The following GFM2 variants were observed in gnomAD, a reference collection of about 807,000 sequenced individuals.
GFM2 encodes ribosome-releasing factor 2, mitochondrial.
In GFM2, 72 loss-of-function variants were observed where a neutral mutation model predicts 95.4. The ratio of observed to expected loss-of-function variants is 0.76; its 90% CI spans 0.62 to 0.92. GFM2 has a LOEUF of 0.92. Ranked by LOEUF, GFM2 falls within the 40% of genes least tolerant of loss-of-function variation. The pLI, the probability that GFM2 is intolerant of heterozygous loss-of-function variation, is 0.00. For missense variants in GFM2, 825 were observed against 924.1 expected (o/e 0.89, Z 1.39); for synonymous variants, 276 against 317.5 (o/e 0.87, Z 1.39).
At chr5:74,758,574 T>C (rs1345167211) in intron 5 of GFM2, among the ~76,000 whole-genome samples, 1 of 152,230 alleles carries the variant, frequency 6.6e-6, no homozygotes, top group African/African-American at 2.4e-5. Context: ...AAACACCTAA[T>C]GCTGGTCTGT....
chr5:74,742,009 T>A (rs1424743800), intron 10 of GFM2, among the ~76,000 whole-genome samples: 2 of 152,186 alleles, frequency 1.3e-5, no homozygotes, highest in Non-Finnish European at 2.9e-5. Context: ...ATATTCTGAA[T>A]GTTCACCAGA....
At chr5:74,728,235 T>C (rs1579971550) in intron 17 of GFM2, among the ~76,000 whole-genome samples, 1 of 152,102 alleles carries the variant, frequency 6.6e-6, no homozygotes, top group African/African-American at 2.4e-5. Flanking sequence ...TTAACTACTA[T>C]AGAATACTGT....
chr5:74,728,748 CTTTTTTT>C (rs57180600), intron 17 of GFM2, among the ~76,000 whole-genome samples: 17 of 58,236 alleles, frequency 2.9e-4, no homozygotes, highest in African/African-American at 7.4e-4. Flanking sequence ...GTGGGGGTTT[CTTTTTTT>C]TTTTTTTTTT....
At chr5:74,763,568 G>A (rs1341890579) in intron 2 of GFM2, 112 bp downstream of exon 2, 17 of 602,742 alleles carry the variant, frequency 2.8e-5, no homozygotes, top group Non-Finnish European at 4.9e-5. Context: ...ATTTCCAAAG[G>A]TTATGACTCA....
chr5:74,749,289 T>C (rs1743572477), intron 7 of GFM2, among the ~76,000 whole-genome samples: 1 of 152,162 alleles, frequency 6.6e-6, no homozygotes, highest in African/African-American at 2.4e-5. Context: ...GTGCTGGGAT[T>C]ACAGGTGTGA....
rs2112265132 is a variant in GFM2, at chr5:74,738,719, A to G, written c.1080-77T>C. Reference sequence around the variant, plus strand: ...CAGAAACTTAACCTTAATGTCCCCAAAGATCTATTTTATCTTCTAGTAGAG... The same window carrying G: ...CAGAAACTTAACCTTAATGTCCCCAGAGATCTATTTTATCTTCTAGTAGAG... On this transcript the variant is annotated intron_variant, in intron 12 of 20. Coordinates refer to ENST00000296805, the MANE Select transcript of GFM2 (RefSeq NM_032380.5). 3.7e-5 allele frequency: 51 copies of G among 1,388,360 alleles called. No homozygotes were observed. In the South Asian group the frequency reaches 7.0e-4, roughly 19 times the overall value. 86.0% of individuals were successfully genotyped at this position (1,388,360 alleles called of 1,614,324 possible).
At position 74,736,986 on chromosome 5, in the gene GFM2, C is replaced by T. The variant is rs1240552971; in HGVS notation, c.1321-1G>A. On this transcript the variant is annotated splice_acceptor_variant, in intron 14 of 20. Transcript: ENST00000296805. LOFTEE classifies it high-confidence loss of function. ...AGACAATGGTGTCTCCAGTGGCAGT[C>T]TGCAAGCAAACAAGATGACTTGGAA... 6 of 1,612,838 alleles carry T rather than the reference C, an allele frequency of 3.7e-6. No individual in the cohort carries two copies. Among genetic ancestry groups the T allele is most frequent in the Non-Finnish European group, 4.2e-6 (5 of 1,179,516 alleles).
chr5:74,725,552 G>C, intron 19 of GFM2, 88 bp downstream of exon 19: 1 of 810,890 alleles, frequency 1.2e-6, no homozygotes, highest in East Asian at 2.5e-5. Flanking sequence ...ACAAGATAAG[G>C]CTCTGTAAAC....
intron 16 of GFM2, 160 bp from the exon 17 acceptor site, chr5:74,730,558 T>C (rs1392644395): frequency 2.2e-6 from 1 of 444,784 alleles, no homozygotes; most frequent in African/African-American, 2.0e-5. Flanking sequence ...ACATTGCTTT[T>C]GACTTTTCTG....
chr5:74,758,750 T>C, intron 5 of GFM2, 99 bp downstream of exon 5: 2 of 720,278 alleles, frequency 2.8e-6, no homozygotes, highest in Non-Finnish European at 5.0e-6. Flanking sequence ...AGTAGCTCTA[T>C]GCCATATTCA....
rs755826513 is a variant in GFM2 at position 74,733,016 on chromosome 5, A to G, written c.1587+6T>C. On this transcript the variant is annotated splice_donor_region_variant and intron_variant, in intron 16 of 20. Coordinates refer to ENST00000296805, the MANE Select transcript of GFM2 (RefSeq NM_032380.5). ...GGCTTCTGGAGTTTAGCAATAATAT[A>G]CCTACTTGTCCAGAGTCAGGATCTA... 1 of 1,581,486 alleles carries G rather than the reference A, an allele frequency of 6.3e-7. No individual in the cohort carries two copies. Among genetic ancestry groups the G allele is most frequent in the Non-Finnish European group, 8.7e-7 (1 of 1,150,928 alleles).
intron 5 of GFM2, 42 bp downstream of exon 5, chr5:74,758,807 T>C: frequency 1.6e-6 from 2 of 1,237,736 alleles, no homozygotes; most frequent in Non-Finnish European, 2.4e-6. Flanking sequence ...CAATGATGCT[T>C]TTGCTAATGG....
intron 1 of GFM2, among the ~76,000 whole-genome samples, chr5:74,766,215 G>A (rs1033814907): frequency 6.6e-6 from 1 of 151,594 alleles, no homozygotes; most frequent in Non-Finnish European, 1.5e-5. Flanking sequence ...GAGGTCGGAG[G>A]ATCGCTTGAT....
At chr5:74,744,301 T>C (rs1743268709) in intron 10 of GFM2, among the ~76,000 whole-genome samples, 1 of 152,096 alleles carries the variant, frequency 6.6e-6, no homozygotes, top group African/African-American at 2.4e-5. Flanking sequence ...CTTATGGCAC[T>C]GTCAACATTC....
chr5:74,721,252 A>G lies in GFM2; in HGVS notation c.*403T>C. 2 of 1,171,882 alleles carry G rather than the reference A, an allele frequency of 1.7e-6. No individual in the cohort carries two copies. The highest frequency in any genetic ancestry group is 4.8e-5 in the East Asian group (2 of 41,384). 72.6% of individuals were successfully genotyped at this position (1,171,882 alleles called of 1,614,324 possible). On this transcript the variant is annotated 3_prime_UTR_variant, in exon 21 of 21. Transcript: ENST00000296805. ...TTGAAATCATGTAAAATAAGATATTAGACTGTTTTTTGAATAAAATATTTT... is the reference window on the plus strand; with the variant it reads ...TTGAAATCATGTAAAATAAGATATTGGACTGTTTTTTGAATAAAATATTTT...
Position 74,738,342 on chromosome 5 carries a change from A to T in GFM2, c.1296T>A (p.Ile432=). ...CATGTTTAAGCCCAACAGTCAAAGC[A>T]ATGTTACCAGCAGTCAATGAAGGGA... The part of the protein sequence containing the change: ...VEIPSLTAGN[I]ALTVGLKHTA... Residue 432 remains isoleucine, a synonymous_variant, in exon 14 of 21, where the codon ATT becomes ATA. Coordinates refer to ENST00000296805, the MANE Select transcript of GFM2 (RefSeq NM_032380.5). 1 of 1,613,428 alleles carries T rather than the reference A, an allele frequency of 6.2e-7. No individual in the cohort carries two copies. The highest frequency in any genetic ancestry group is 1.3e-5 in the African/African-American group (1 of 75,018).
chr5:74,764,778 G>GTTTTTT (rs757160377), intron 1 of GFM2, among the ~76,000 whole-genome samples: 49 of 70,498 alleles, frequency 7.0e-4, no homozygotes, highest in African/African-American at 1.2e-3. Context: ...TCCCTTTGTT[G>GTTTTTT]TTTTTTTTTT....
At position 74,738,602 on chromosome 5, in the gene GFM2, C is replaced by T. The variant is rs191007875; in HGVS notation, c.1120G>A (p.Val374Ile). The change falls in exon 13 of 21, where the codon GTT becomes ATT. Residue 374 changes from valine (V) to isoleucine (I), a missense_variant. By Grantham distance (29) the Val-to-Ile change is conservative. Transcript: ENST00000296805. ...GGTCCTCGCTGCTTGTCATGGAGAA[C>T]TTTAAATGCCAATGCACATAAGTCA... Reference protein sequence around the residue: ...KDDLCALAFKVLHDKQRGPLV... With the variant: ...KDDLCALAFKILHDKQRGPLV... The T allele has an allele frequency of 1.9e-5, 30 of 1,613,518 alleles. No homozygotes were observed. The Admixed American group carries it at 3.0e-4, about 16-fold the overall frequency.
At chr5:74,728,293 T>C (rs1419845785) in intron 17 of GFM2, among the ~76,000 whole-genome samples, 1 of 152,152 alleles carries the variant, frequency 6.6e-6, no homozygotes, top group Non-Finnish European at 1.5e-5. Flanking sequence ...ACACGTTACA[T>C]GTATTTTATA....
Sources: allele counts gnomAD v4.1 joint callset (sites outside exome capture counted in the v4.1 genomes callset), GRCh38; gene constraint gnomAD v4.1.1; transcripts MANE v1.5; gene names NCBI Gene and HGNC (gene_info 2026-07-23, HGNC 2026-07-21).